The following BDP1 variants were observed in gnomAD, a reference collection of about 807,000 sequenced individuals.
BDP1 encodes BDP1 general transcription factor IIIB subunit, also known as transcription factor TFIIIB component B'' homolog.
Under a neutral mutation model 266.6 loss-of-function variants are expected in BDP1, and 169 were observed. That is an observed-to-expected ratio of 0.63 (90% CI 0.56 to 0.72). The LOEUF (loss-of-function observed/expected upper bound fraction) is 0.72, where lower values mean the gene tolerates loss of function less well. BDP1 is among the 30% of genes least tolerant of loss of function. The probability of loss-of-function intolerance (pLI) is 0.00; values close to 1 mark genes in which losing one functional copy is unlikely to be tolerated. For missense variants in BDP1, 3,015 were observed against 3,053.8 expected (o/e 0.99, Z 0.30); for synonymous variants, 1,090 against 1,022.4 (o/e 1.07, Z -1.26).
Position 71,467,565 on chromosome 5 carries a change from C to T in BDP1, c.919+78C>T, listed in dbSNP as rs961136017. 2.4e-6 allele frequency: 3 copies of T among 1,226,294 alleles called. No individual in the cohort carries two copies. In the African/African-American group the frequency reaches 4.6e-5, roughly 19 times the overall value. The allele number at this position is 1,226,294 out of a possible 1,614,324, so 76.0% of individuals were successfully genotyped here. On this transcript the variant is annotated intron_variant, in intron 6 of 38. Transcript: ENST00000358731. ...CTGTTTCTGAATTAAATCAGTTCTC[C>T]CCTAAGTACATAAAATGCAAACTAC...
chr5:71,549,508 A>G lies in BDP1; in HGVS notation c.6897A>G (p.Glu2299=). 6.2e-7 allele frequency: 1 copy of G among 1,614,194 alleles called. No individual in the cohort carries two copies. Among genetic ancestry groups the G allele is most frequent in the Non-Finnish European group, 8.5e-7 (1 of 1,180,026 alleles). Residue 2299 remains glutamate (E), a synonymous_variant, in exon 34 of 39, where the codon GAA becomes GAG. Coordinates refer to ENST00000358731, the MANE Select transcript of BDP1 (RefSeq NM_018429.3). ...TGGAAATCCCAGCCAATGCAGTAGA[A>G]GAATTTACTGATGCCACTGCACAGT... ...TLVEIPANAV[E]EFTDATAQFM...
intron 16 of BDP1, among the ~76,000 whole-genome samples, chr5:71,506,334 C>T (rs1305361836): frequency 6.6e-6 from 1 of 152,176 alleles, no homozygotes; most frequent in Non-Finnish European, 1.5e-5. Flanking sequence ...CCAGAATCCT[C>T]AAAAGCAATT....
intron 25 of BDP1, among the ~76,000 whole-genome samples, chr5:71,529,135 T>C (rs183215521): frequency 8.4e-4 from 128 of 152,316 alleles, no homozygotes; most frequent in Non-Finnish European, 3.7e-4. Flanking sequence ...CTCACACCTG[T>C]AATCCTAGCA....
At position 71,497,419 on chromosome 5, in the gene BDP1, T is replaced by G. The variant is rs1290576890; in HGVS notation, c.1949T>G (p.Val650Gly). Residue 650 changes from valine (V) to glycine (G), a missense_variant, in exon 13 of 39, where the codon GTT becomes GGT. Physicochemically the swap from Val to Gly is moderately radical, Grantham distance 109 (BLOSUM62 -3). Coordinates refer to ENST00000358731, the MANE Select transcript of BDP1 (RefSeq NM_018429.3). ...AAGAATTCACATTCAAAAACTTCAG[T>G]TGAAAAGGTATGGGGTAAGAGATTT... ...ESKNSHSKTS[V>G]EKNHVEKDKM... 2 of 1,612,636 alleles carry G rather than the reference T, an allele frequency of 1.2e-6. No homozygotes were observed. The highest frequency in any genetic ancestry group is 2.7e-5 in the African/African-American group (2 of 74,894).
intron 25 of BDP1, among the ~76,000 whole-genome samples, chr5:71,529,595 T>G (rs1766110094): frequency 6.6e-6 from 1 of 151,902 alleles, no homozygotes; most frequent in African/African-American, 2.4e-5. Flanking sequence ...GAAGGCTGAG[T>G]GGGGAGGGTT....
chr5:71,535,667 C>T (rs1323020376), intron 26 of BDP1, among the ~76,000 whole-genome samples: 1 of 152,108 alleles, frequency 6.6e-6, no homozygotes, highest in African/African-American at 2.4e-5. Context: ...AAGGTGTCAC[C>T]AATGTTGGTT....
intron 2 of BDP1, among the ~76,000 whole-genome samples, chr5:71,460,896 A>G (rs528156369): frequency 1.3e-5 from 2 of 152,314 alleles, no homozygotes; most frequent in South Asian, 4.1e-4. Flanking sequence ...CTGTGTAAGC[A>G]TAAATTCTCA....
At chr5:71,466,309 C>A in intron 5 of BDP1, 88 bp downstream of exon 5, 1 of 1,432,014 alleles carries the variant, frequency 7.0e-7, no homozygotes, top group Non-Finnish European at 9.6e-7. Context: ...TCTGTATTGG[C>A]CTTTGTCACT....
rs766098429 is a variant in BDP1 at position 71,456,101 on chromosome 5, CA to C, written c.212+13del. The C allele has an allele frequency of 6.2e-7, 1 of 1,605,692 alleles. No individual in the cohort carries two copies. Among genetic ancestry groups the C allele is most frequent in the Non-Finnish European group, 8.5e-7 (1 of 1,176,602 alleles). ...GCTCCTAGGAGCAGGTAAGAGGTTGCAGAGGGAAGAATTTTCATTTGTCCCG... is the reference window on the plus strand; with the variant it reads ...GCTCCTAGGAGCAGGTAAGAGGTTGCGAGGGAAGAATTTTCATTTGTCCCG... On this transcript the variant is annotated intron_variant, in intron 1 of 38. Transcript: ENST00000358731.
intron 2 of BDP1, among the ~76,000 whole-genome samples, chr5:71,460,234 T>G (rs967490627): frequency 1.3e-5 from 2 of 151,936 alleles, no homozygotes; most frequent in African/African-American, 4.8e-5. Flanking sequence ...ACAAACATTA[T>G]CTGGTTGTGG....
chr5:71,573,727 G>C, the BDP1 span, among the ~76,000 whole-genome samples: 1 of 152,176 alleles, frequency 6.6e-6, no homozygotes, highest in Non-Finnish European at 1.5e-5. Flanking sequence ...CAGAGGATTT[G>C]CTATTGGGTA....
intron 7 of BDP1, among the ~76,000 whole-genome samples, chr5:71,483,098 C>T (rs969267231): frequency 1.3e-5 from 2 of 152,192 alleles, no homozygotes; most frequent in East Asian, 1.9e-4. Context: ...GATATTCTCT[C>T]TCTCTTTTTT....
intron 10 of BDP1, 137 bp downstream of exon 10, chr5:71,489,819 C>G: frequency 1.7e-6 from 1 of 600,750 alleles, no homozygotes; most frequent in African/African-American, 1.9e-5. Context: ...TGGTACTGTG[C>G]TAACGCTGTT....
At chr5:71,494,631 A>C (rs552718370) in intron 11 of BDP1, 1 of 152,360 alleles carries the variant, frequency 6.6e-6, no homozygotes, top group South Asian at 2.1e-4. Context: ...TGCCTATATA[A>C]ATTTTAATGA....
intron 18 of BDP1, among the ~76,000 whole-genome samples, 190 bp downstream of exon 18, chr5:71,512,618 A>G (rs182063009): frequency 6.6e-6 from 1 of 152,324 alleles, no homozygotes; most frequent in Admixed American, 6.5e-5. Flanking sequence ...ACAAAATTGT[A>G]TGTAACAGTC....
chr5:71,562,690 T>C, intron 38 of BDP1, 170 bp downstream of exon 38: 2 of 1,490,462 alleles, frequency 1.3e-6, no homozygotes, highest in Non-Finnish European at 1.8e-6. Context: ...AGAAAAGGTG[T>C]TGAGTCAGGA....
chr5:71,506,506 G>A (rs1307707051), intron 16 of BDP1, among the ~76,000 whole-genome samples: 1 of 152,048 alleles, frequency 6.6e-6, no homozygotes, highest in Non-Finnish European at 1.5e-5. Context: ...GCTGGGCATG[G>A]TGACTCACAC....
At chr5:71,486,155 T>G (rs558467810) in intron 8 of BDP1, among the ~76,000 whole-genome samples, 1 of 152,358 alleles carries the variant, frequency 6.6e-6, no homozygotes, top group Non-Finnish European at 1.5e-5. Context: ...TCCCTCATAT[T>G]ATTGCATGTA....
intron 16 of BDP1, among the ~76,000 whole-genome samples, chr5:71,506,909 C>T (rs1764619553): frequency 1.3e-5 from 2 of 151,802 alleles, no homozygotes. Context: ...CAGCATTCAC[C>T]TTTTGGGCTC....
Sources: allele counts gnomAD v4.1 joint callset (sites outside exome capture counted in the v4.1 genomes callset), GRCh38; gene constraint gnomAD v4.1.1; transcripts MANE v1.5; gene names NCBI Gene and HGNC (gene_info 2026-07-23, HGNC 2026-07-21).